The following MAP2K1 variants were observed in gnomAD, a reference collection of about 807,000 sequenced individuals.
MAP2K1 encodes dual specificity mitogen-activated protein kinase kinase 1.
Under a neutral mutation model 46.3 loss-of-function variants are expected in MAP2K1, and 16 were observed. That is an observed-to-expected ratio of 0.35 (90% CI 0.23 to 0.52). The LOEUF is 0.52. MAP2K1 is among the 20% of genes least tolerant of loss of function. The pLI is 0.94. For missense variants in MAP2K1, 263 were observed against 497.1 expected (o/e 0.53, Z 4.48); for synonymous variants, 183 against 185.6 (o/e 0.99, Z 0.11).
intron 5 of MAP2K1, 55 bp from the exon 6 acceptor site, chr15:66,481,700 C>T: frequency 6.3e-7 from 1 of 1,599,016 alleles, no homozygotes; most frequent in Non-Finnish European, 8.5e-7. Context: ...TGATCCTTCT[C>T]TTCCCCAATC....
intron 5 of MAP2K1, among the ~76,000 whole-genome samples, chr15:66,463,608 G>T (rs952000449): frequency 6.6e-6 from 1 of 152,196 alleles, no homozygotes; most frequent in South Asian, 2.1e-4. Flanking sequence ...TCAGCCTCCC[G>T]AGTAGCCGGG....
intron 8 of MAP2K1, among the ~76,000 whole-genome samples, chr15:66,488,048 C>T (rs1364298810): frequency 2.0e-5 from 3 of 152,076 alleles, no homozygotes. Flanking sequence ...CCACCCAGTG[C>T]TCTTTCTTCC....
chr15:66,460,096 A>T (rs1282275161), intron 5 of MAP2K1, among the ~76,000 whole-genome samples: 1 of 152,214 alleles, frequency 6.6e-6, no homozygotes, highest in Non-Finnish European at 1.5e-5. Context: ...CTCCCATCAC[A>T]GCCATCCCAT....
intron 10 of MAP2K1, chr15:66,489,999 G>A (rs945416109): frequency 5.8e-5 from 35 of 599,402 alleles, no homozygotes; most frequent in Non-Finnish European, 8.9e-5. Flanking sequence ...GCCTGAGGGG[G>A]CCATGGGAAA....
intron 1 of MAP2K1, among the ~76,000 whole-genome samples, chr15:66,425,100 G>A (rs775555286): frequency 2.0e-5 from 3 of 151,948 alleles, no homozygotes; most frequent in African/African-American, 4.8e-5. Flanking sequence ...CCAGCCTCCC[G>A]TCTCCATCTT....
chr15:66,387,578 C>A, intron 1 of MAP2K1, 151 bp downstream of exon 1: 1 of 763,470 alleles, frequency 1.3e-6, no homozygotes, highest in Non-Finnish European at 2.2e-6. Context: ...GTATCGGTGA[C>A]TAAGCACTGA....
intron 5 of MAP2K1, among the ~76,000 whole-genome samples, chr15:66,478,399 T>TGTGTATATATATATATACACACAG (rs1892818212): frequency 2.0e-5 from 2 of 101,592 alleles, no homozygotes; most frequent in Admixed American, 2.0e-4. Flanking sequence ...GATATGTGTG[T>TGTGTATATATATATATACACACAG]GTATATATAT....
intron 8 of MAP2K1, chr15:66,488,935 T>G: frequency 1.9e-6 from 1 of 537,128 alleles, no homozygotes; most frequent in Non-Finnish European, 3.4e-6. Context: ...CATAGAGGAA[T>G]AGTGATTAGT....
intron 1 of MAP2K1, among the ~76,000 whole-genome samples, chr15:66,432,816 GC>G: frequency 6.6e-6 from 1 of 152,316 alleles, no homozygotes; most frequent in East Asian, 1.9e-4. Context: ...ACCTGTCTGT[GC>G]TTGAGTTTGC....
At chr15:66,453,305 A>C (rs1015450792) in intron 5 of MAP2K1, 4 of 548,644 alleles carry the variant, frequency 7.3e-6, no homozygotes, top group African/African-American at 3.8e-5. Context: ...TTTGGCATGA[A>C]GAGATGCTTT....
chr15:66,402,110 G>A (rs1417712504), intron 1 of MAP2K1, among the ~76,000 whole-genome samples: 2 of 152,154 alleles, frequency 1.3e-5, no homozygotes, highest in African/African-American at 4.8e-5. Flanking sequence ...TCCATTGTGT[G>A]TAATGTATTA....
rs752935675 is a variant in MAP2K1 at position 66,420,706 on chromosome 15, CATATATAT to C, written c.81-14312_81-14305del. ...TTATTCCCCTAATACTTACTCTTGG[CATATATAT>C]ATATATATGTGTGTGTGTGTGTGTG... On this transcript the variant is annotated intron_variant, in intron 1 of 10. Coordinates refer to ENST00000307102, the MANE Select transcript of MAP2K1 (RefSeq NM_002755.4). 3.4e-4 allele frequency among the ~76,000 whole-genome samples: 7 copies of C among 20,410 alleles called. 1 individual carries two copies. The highest frequency in any genetic ancestry group is 2.2e-3 in the South Asian group (1 of 452). The allele number at this position is 20,410 out of a possible 152,430, so 13.4% of individuals were successfully genotyped here.
chr15:66,481,538 C>T (rs1892915784), intron 5 of MAP2K1, among the ~76,000 whole-genome samples: 1 of 152,218 alleles, frequency 6.6e-6, no homozygotes, highest in African/African-American at 2.4e-5. Flanking sequence ...TCTACTTCTA[C>T]AGCAGCTGCT....
At chr15:66,447,988 A>G (rs1051688855) in intron 5 of MAP2K1, among the ~76,000 whole-genome samples, 1 of 151,844 alleles carries the variant, frequency 6.6e-6, no homozygotes, top group Non-Finnish European at 1.5e-5. Context: ...CCCTATCTCT[A>G]CTAAAAATAC....
chr15:66,465,996 A>C (rs1406387533), intron 5 of MAP2K1, among the ~76,000 whole-genome samples: 1 of 152,184 alleles, frequency 6.6e-6, no homozygotes, highest in Non-Finnish European at 1.5e-5. Flanking sequence ...AGTTGGGTGA[A>C]TTCCTCTCCT....
At chr15:66,463,587 A>G (rs1165129189) in intron 5 of MAP2K1, among the ~76,000 whole-genome samples, 5 of 152,150 alleles carry the variant, frequency 3.3e-5, no homozygotes. Context: ...GGTTCAAGCG[A>G]TTCTCCTGCG....
chr15:66,471,321 C>T (rs1020738162), intron 5 of MAP2K1, among the ~76,000 whole-genome samples: 4 of 152,204 alleles, frequency 2.6e-5, no homozygotes, highest in African/African-American at 9.6e-5. Flanking sequence ...CCATTGAACT[C>T]TGACTTCTGT....
At chr15:66,394,372 G>C (rs969244168) in intron 1 of MAP2K1, among the ~76,000 whole-genome samples, 2 of 136,836 alleles carry the variant, frequency 1.5e-5, no homozygotes, top group Non-Finnish European at 3.4e-5. Flanking sequence ...GAAGGCCCTG[G>C]AGGAAGAAAG....
rs147470261 is a variant in MAP2K1 at position 66,425,408 on chromosome 15, A to G, written c.81-9619A>G. On this transcript the variant is annotated intron_variant, in intron 1 of 10. Transcript: ENST00000307102. ...ATTTTTTTTTTTAACCTCTTCCTTG[A>G]CGCTAGCTGCTTGTGCAAATCACAT... Among the ~76,000 whole-genome samples, 583 of 152,116 alleles carry G rather than the reference A, an allele frequency of 3.8e-3. 6 individuals are homozygous for G. The highest frequency in any genetic ancestry group is 0.013 in the African/African-American group (536 of 41,474).
Sources: allele counts gnomAD v4.1 joint callset (sites outside exome capture counted in the v4.1 genomes callset), GRCh38; gene constraint gnomAD v4.1.1; transcripts MANE v1.5; gene names NCBI Gene and HGNC (gene_info 2026-07-23, HGNC 2026-07-21).